The following NLGN1 variants were observed in gnomAD, a reference collection of about 807,000 sequenced individuals.
The protein encoded by NLGN1 is neuroligin 1.
A neutral mutation model predicts 65.5 loss-of-function variants in NLGN1; 12 were observed. That is an observed-to-expected ratio of 0.18 (90% CI 0.12 to 0.30). The LOEUF (loss-of-function observed/expected upper bound fraction) is 0.30, where lower values mean the gene tolerates loss of function less well. Ranked by LOEUF, NLGN1 falls within the 10% of genes least tolerant of loss-of-function variation. The probability of loss-of-function intolerance (pLI) is 1.00; values close to 1 mark genes in which losing one functional copy is unlikely to be tolerated. For synonymous variants in NLGN1, 350 were observed against 359.5 expected, an observed-to-expected ratio of 0.97 and a Z score of 0.30; for missense variants, 750 against 1,007.1, an observed-to-expected ratio of 0.74 and a Z score of 3.46.
chr3:174,074,561 G>A (rs911712119), intron 4 of NLGN1, among the ~76,000 whole-genome samples: 2 of 152,046 alleles, frequency 1.3e-5, no homozygotes, highest in African/African-American at 4.8e-5. Context: ...TAATATTTAC[G>A]ATCAGACACG....
chr3:173,840,574 A>G (rs1379731459), intron 4 of NLGN1, among the ~76,000 whole-genome samples: 1 of 152,138 alleles, frequency 6.6e-6, no homozygotes, highest in Admixed American at 6.5e-5. Context: ...AGGTAAGCTG[A>G]AGTCAAGTTG....
chr3:173,725,486 G>A (rs1344180431), intron 3 of NLGN1, among the ~76,000 whole-genome samples: 1 of 152,150 alleles, frequency 6.6e-6, no homozygotes, highest in East Asian at 1.9e-4. Context: ...CTCAACAAAT[G>A]TTAGTTTGTA....
intron 4 of NLGN1, among the ~76,000 whole-genome samples, chr3:174,153,929 C>G (rs1172403760): frequency 6.6e-6 from 1 of 152,062 alleles, no homozygotes; most frequent in African/African-American, 2.4e-5. Flanking sequence ...TTTCCAAACA[C>G]TAGCCAATTC....
At chr3:173,798,246 G>A (rs1714605235) in intron 3 of NLGN1, among the ~76,000 whole-genome samples, 1 of 152,086 alleles carries the variant, frequency 6.6e-6, no homozygotes, top group African/African-American at 2.4e-5. Context: ...AGTGGTTTTG[G>A]CAGCAATAAA....
At position 173,538,008 on chromosome 3, in the gene NLGN1, G is replaced by A. The variant is rs1242224245; in HGVS notation, c.-320-66271G>A. 4.6e-5 allele frequency among the ~76,000 whole-genome samples: 7 copies of A among 152,162 alleles called. No homozygotes were observed. In the South Asian group the frequency reaches 1.5e-3, roughly 32 times the overall value. On this transcript the variant is annotated intron_variant, in intron 2 of 6. Coordinates refer to ENST00000457714, the Ensembl canonical transcript of NLGN1. ...TCCAGGTCAATGGAATAATTGTTGT[G>A]TCACCTAGGGGAAGCATTTCTTTCC...
intron 3 of NLGN1, 84 bp from the exon 3 acceptor site, chr3:173,605,450 A>G: frequency 1.6e-6 from 1 of 634,466 alleles, no homozygotes; most frequent in Admixed American, 2.5e-5. Flanking sequence ...GCAGGAGCGT[A>G]TTGAGTTAGA....
intron 3 of NLGN1, among the ~76,000 whole-genome samples, chr3:173,721,421 C>T (rs148359104): frequency 4.6e-5 from 7 of 152,274 alleles, no homozygotes; most frequent in Non-Finnish European, 8.8e-5. Flanking sequence ...AACAAGTAAA[C>T]GCTATAGATT....
chr3:173,695,553 A>G, intron 3 of NLGN1: 1 of 353,088 alleles, frequency 2.8e-6, no homozygotes. Flanking sequence ...ACTATTTTTC[A>G]GTGCCTCTTA....
At chr3:173,807,943 G>A in intron 4 of NLGN1, 111 bp downstream of exon 4, 1 of 1,067,806 alleles carries the variant, frequency 9.4e-7, no homozygotes, top group Non-Finnish European at 1.4e-6. Flanking sequence ...TTTTATGCGT[G>A]TTGACATTCT....
At chr3:173,958,795 A>ATGCC in intron 4 of NLGN1, among the ~76,000 whole-genome samples, 1 of 152,088 alleles carries the variant, frequency 6.6e-6, no homozygotes, top group East Asian at 1.9e-4. Context: ...ATGCTGAGAG[A>ATGCC]TGCCTGCAGG....
chr3:173,675,175 C>A (rs949606539), intron 3 of NLGN1, among the ~76,000 whole-genome samples: 1 of 152,054 alleles, frequency 6.6e-6, no homozygotes, highest in African/African-American at 2.4e-5. Flanking sequence ...GGAAAAAAAT[C>A]TTTGTTGATT....
intron 4 of NLGN1, among the ~76,000 whole-genome samples, chr3:173,864,024 G>A (rs1041186395): frequency 5.9e-5 from 9 of 152,168 alleles, no homozygotes; most frequent in Non-Finnish European, 1.0e-4. Context: ...ATAATGATCT[G>A]TCTCAAATGA....
chr3:173,973,241 A>G (rs916358253), intron 4 of NLGN1, among the ~76,000 whole-genome samples: 7 of 152,158 alleles, frequency 4.6e-5, no homozygotes, highest in Admixed American at 1.3e-4. Flanking sequence ...AAGTATACAT[A>G]TAAGAAAATT....
At chr3:174,234,410 T>C (rs777644845) in intron 4 of NLGN1, among the ~76,000 whole-genome samples, 1 of 152,156 alleles carries the variant, frequency 6.6e-6, no homozygotes, top group Non-Finnish European at 1.5e-5. Flanking sequence ...GAGGGAAGCA[T>C]GTGCAGTGTG....
At chr3:173,523,545 G>T (rs1445776293) in intron 2 of NLGN1, among the ~76,000 whole-genome samples, 1 of 151,556 alleles carries the variant, frequency 6.6e-6, no homozygotes, top group African/African-American at 2.4e-5. Flanking sequence ...TGTCAACTTT[G>T]TCAAAGATTA....
chr3:173,516,942 G>C (rs1733909986), intron 2 of NLGN1, among the ~76,000 whole-genome samples: 1 of 151,932 alleles, frequency 6.6e-6, no homozygotes, highest in Non-Finnish European at 1.5e-5. Flanking sequence ...TCAAAAGACT[G>C]ATTCTATTTA....
intron 2 of NLGN1, among the ~76,000 whole-genome samples, chr3:173,449,348 T>C (rs1721030497): frequency 6.6e-6 from 1 of 152,214 alleles, no homozygotes; most frequent in South Asian, 2.1e-4. Flanking sequence ...AGCAGGTTGT[T>C]CAGTTTCCAT....
At chr3:173,807,593 C>G in intron 3 of NLGN1, 87 bp from the exon 4 acceptor site, 1 of 1,466,254 alleles carries the variant, frequency 6.8e-7, no homozygotes. Flanking sequence ...ATTATGCCCT[C>G]TTTTCACTAA....
chr3:173,771,936 T>G (rs1578355748), intron 3 of NLGN1, among the ~76,000 whole-genome samples: 1 of 152,102 alleles, frequency 6.6e-6, no homozygotes, highest in East Asian at 1.9e-4. Flanking sequence ...TGTGGTTAAC[T>G]TGTCTTTGTC....
Sources: gnomAD v4.1 joint callset for allele counts (sites outside exome capture counted in the v4.1 genomes callset) on GRCh38, gnomAD v4.1.1 for gene constraint, MANE v1.5 for transcripts, NCBI Gene and HGNC (gene_info 2026-07-23, HGNC 2026-07-21) for gene names.